CENPI: variants seen among roughly 807,000 people sequenced by gnomAD.
CENPI encodes the protein FSH primary response 1.
Under a neutral mutation model 60.4 loss-of-function variants are expected in CENPI, and 4 were observed. The observed-to-expected ratio is 0.07, with a 90% confidence interval of 0.03 to 0.15. CENPI has a LOEUF of 0.15. CENPI is among the 10% of genes least tolerant of loss of function. CENPI has a pLI of 1.00. For missense variants in CENPI, 444 were observed against 534.5 expected (o/e 0.83, Z 1.67); for synonymous variants, 157 against 189.4 (o/e 0.83, Z 1.40).
chrX:101,099,912 T>G (rs1221154855), intron 2 of CENPI: 2 of 107,723 alleles, frequency 1.9e-5, no homozygotes, highest in Non-Finnish European at 3.8e-5. Context: ...CTCACCCTCC[T>G]GAGTAGATAG....
chrX:101,115,807 C>T (rs1351178989), intron 6 of CENPI, among the ~76,000 whole-genome samples: 1 of 111,826 alleles, frequency 8.9e-6, no homozygotes, highest in Non-Finnish European at 1.9e-5. Context: ...GCAGTAACTC[C>T]CTATTCCCTC....
chrX:101,117,194 A>G (rs918932216), intron 6 of CENPI, among the ~76,000 whole-genome samples: 8 of 111,430 alleles, frequency 7.2e-5, no homozygotes, highest in Admixed American at 5.8e-4. Context: ...CAAACTGCAG[A>G]CATATATATA....
Position 101,136,604 on chromosome X carries a change from C to T in CENPI, c.1471-4062C>T, listed in dbSNP as rs112194835. Among the ~76,000 whole-genome samples the T allele has an allele frequency of 9.8e-5, 11 of 111,913 alleles. No homozygotes were observed. In the South Asian group the frequency reaches 1.8e-3, roughly 19 times the overall value. On this transcript the variant is annotated intron_variant, in intron 15 of 21. Coordinates refer to ENST00000682095, the MANE Select transcript of CENPI (RefSeq NM_001386188.2). ...TTAAAATATTTTCACATTTTCAGTG[C>T]GTTTTGTTTGGGCCTGGTCAGTTAT...
chrX:101,122,247 T>G (rs1339352120), intron 8 of CENPI, among the ~76,000 whole-genome samples: 3 of 112,082 alleles, frequency 2.7e-5, no homozygotes, highest in African/African-American at 9.7e-5. Flanking sequence ...GCTCTGGATA[T>G]GAAACAATGG....
intron 8 of CENPI, among the ~76,000 whole-genome samples, chrX:101,126,383 G>A (rs183648951): frequency 3.6e-4 from 40 of 112,011 alleles, no homozygotes; most frequent in Middle Eastern, 9.3e-3. Flanking sequence ...TTTGAGTCCT[G>A]AGTATGCTAC....
intron 20 of CENPI, among the ~76,000 whole-genome samples, chrX:101,157,713 G>A (rs183155247): frequency 4.4e-3 from 463 of 105,896 alleles, no homozygotes; most frequent in Non-Finnish European, 7.7e-3. Context: ...TGGGGTATTC[G>A]CATGATATTT....
the CENPI span, among the ~76,000 whole-genome samples, chrX:101,172,122 G>A: frequency 5.5e-4 from 62 of 111,912 alleles, no homozygotes; most frequent in Non-Finnish European, 7.7e-4. Flanking sequence ...TTCATACCCT[G>A]TAAGATAGAC....
At chrX:101,140,807 G>GCAAACA in intron 16 of CENPI, 47 bp downstream of exon 16, 2 of 889,420 alleles carry the variant, frequency 2.2e-6, no homozygotes, top group Non-Finnish European at 1.6e-6. Context: ...GTATACAAAT[G>GCAAACA]TTTGCATATG....
At chrX:101,113,172 C>G (rs768250971) in intron 6 of CENPI, among the ~76,000 whole-genome samples, 1 of 107,402 alleles carries the variant, frequency 9.3e-6, no homozygotes, top group East Asian at 2.9e-4. Flanking sequence ...TCTTTTTTTT[C>G]TCTTCTTGTC....
intron 6 of CENPI, among the ~76,000 whole-genome samples, chrX:101,118,896 T>A (rs2089649011): frequency 8.9e-6 from 1 of 111,834 alleles, no homozygotes; most frequent in South Asian, 3.7e-4. Context: ...AAAAAAAGAT[T>A]CCGGCCAGGT....
At chrX:101,103,078 T>C (rs1376782824) in intron 4 of CENPI, among the ~76,000 whole-genome samples, 2 of 106,440 alleles carry the variant, frequency 1.9e-5, no homozygotes, top group Non-Finnish European at 3.9e-5. Flanking sequence ...CACTGCAACC[T>C]CCACTTTCCG....
In CENPI at chrX:101,109,466, T is replaced by G; in HGVS notation, c.365-7T>G. ...ATGTAGTTTAATTTAGCTTGTCTCC[T>G]TTCCAGGAAATGCTGTAAACACACG... On this transcript the variant is annotated splice_polypyrimidine_tract_variant and splice_region_variant and intron_variant, in intron 4 of 21. Transcript: ENST00000682095. 6 of 1,163,890 alleles carry G rather than the reference T, an allele frequency of 5.2e-6. No individual in the cohort carries two copies. Among genetic ancestry groups the G allele is most frequent in the Non-Finnish European group, 5.9e-6 (5 of 853,600 alleles).
chrX:101,107,497 C>G (rs2089496963), intron 4 of CENPI, among the ~76,000 whole-genome samples: 1 of 108,678 alleles, frequency 9.2e-6, no homozygotes, highest in Admixed American at 1.0e-4. Flanking sequence ...GCTGGGATTA[C>G]AGGCTCCCAC....
the CENPI span, among the ~76,000 whole-genome samples, chrX:101,179,512 TTTTC>T: frequency 1.8e-5 from 2 of 111,076 alleles, no homozygotes; most frequent in African/African-American, 3.3e-5. Flanking sequence ...GAACGCCTGT[TTTTC>T]TTTCTTTCTT....
At chrX:101,128,950 C>T in intron 12 of CENPI, 114 bp downstream of exon 12, 2 of 607,442 alleles carry the variant, frequency 3.3e-6, no homozygotes, top group Admixed American at 2.9e-5. Flanking sequence ...CTGTGGTAAT[C>T]TTATATTTAG....
chrX:101,102,427 G>C lies in CENPI; in HGVS notation c.364+16G>C. The C allele has an allele frequency of 9.4e-7, 1 of 1,062,349 alleles. No homozygotes were observed. The highest frequency in any genetic ancestry group is 1.2e-6 in the Non-Finnish European group (1 of 807,245). 87.5% of individuals were successfully genotyped at this position (1,062,349 alleles called of 1,213,427 possible). On this transcript the variant is annotated intron_variant, in intron 4 of 21. Transcript: ENST00000682095. Reference sequence around the variant, plus strand: ...GGCAAATTTGGTATGTTGAGGAAATGCTTTTTTTTTCTTTTAACTCACCTA... The same window carrying C: ...GGCAAATTTGGTATGTTGAGGAAATCCTTTTTTTTTCTTTTAACTCACCTA...
rs2089974719 is a variant in CENPI, at chrX:101,147,758, G to C, written c.1827-5G>C. ...ATGTTTCATTCTGTTTGTTTTTTCT[G>C]TTAGATATCGTAAAAATTTGACTGC... On this transcript the variant is annotated splice_region_variant and splice_polypyrimidine_tract_variant and intron_variant, in intron 18 of 21. Transcript: ENST00000682095. 1 of 1,191,660 alleles carries C rather than the reference G, an allele frequency of 8.4e-7. No homozygotes were observed. Among genetic ancestry groups the C allele is most frequent in the African/African-American group, 1.8e-5 (1 of 56,698 alleles).
intron 2 of CENPI, among the ~76,000 whole-genome samples, chrX:101,100,216 T>C (rs1271325961): frequency 9.0e-6 from 1 of 111,507 alleles, no homozygotes; most frequent in African/African-American, 3.3e-5. Flanking sequence ...AGATGACATT[T>C]AGTAATTATT....
chrX:101,133,317 ATTTTTT>A, intron 15 of CENPI, among the ~76,000 whole-genome samples: 1 of 76,990 alleles, frequency 1.3e-5, no homozygotes, highest in African/African-American at 5.0e-5. Context: ...TTCAGTTTGA[ATTTTTT>A]TTTTTTTTTT....
Sources: gnomAD v4.1 joint callset for allele counts (sites outside exome capture counted in the v4.1 genomes callset) on GRCh38, gnomAD v4.1.1 for gene constraint, MANE v1.5 for transcripts, NCBI Gene and HGNC (gene_info 2026-07-23, HGNC 2026-07-21) for gene names.